Variants in MAGI2 observed in about 807,000 individuals in gnomAD.
MAGI2 encodes the protein membrane associated guanylate kinase, WW and PDZ domain containing 2.
In MAGI2, 35 loss-of-function variants were observed where a neutral mutation model predicts 133.3. The observed-to-expected ratio is 0.26, with a 90% CI of 0.20 to 0.35. The LOEUF is 0.35. MAGI2 is among the 10% of genes least tolerant of loss of function. The pLI is 1.00. For missense variants in MAGI2, 1,636 were observed against 1,863.4 expected, an observed-to-expected ratio of 0.88 and a Z score of 2.25; for synonymous variants, 729 against 710.6, an observed-to-expected ratio of 1.03 and a Z score of -0.41.
chr7:78,935,727 A>C (rs1277409645), intron 2 of MAGI2, among the ~76,000 whole-genome samples: 1 of 151,978 alleles, frequency 6.6e-6, no homozygotes, highest in Non-Finnish European at 1.5e-5. Context: ...CATGGATGTA[A>C]ATTTTTAAGC....
At chr7:79,357,770 A>G (rs1255246726) in intron 1 of MAGI2, among the ~76,000 whole-genome samples, 1 of 152,138 alleles carries the variant, frequency 6.6e-6, no homozygotes, top group Non-Finnish European at 1.5e-5. Context: ...TACCATTGCC[A>G]TTTACTGGCT....
intron 9 of MAGI2, among the ~76,000 whole-genome samples, chr7:78,339,923 G>A (rs1011674276): frequency 6.6e-6 from 1 of 152,038 alleles, no homozygotes; most frequent in Non-Finnish European, 1.5e-5. Flanking sequence ...CAAATATAAG[G>A]GCACCATAAA....
chr7:79,125,948 A>T (rs1407235872), intron 1 of MAGI2, among the ~76,000 whole-genome samples: 4 of 152,244 alleles, frequency 2.6e-5, no homozygotes, highest in African/African-American at 7.2e-5. Flanking sequence ...CAAAGAAGAC[A>T]TGTTTTAGAA....
chr7:78,202,570 C>G (rs750697719), intron 10 of MAGI2, among the ~76,000 whole-genome samples: 6 of 149,354 alleles, frequency 4.0e-5, no homozygotes, highest in Non-Finnish European at 8.9e-5. Context: ...GTAATCCCAG[C>G]TACTTGGGAG....
intron 2 of MAGI2, among the ~76,000 whole-genome samples, chr7:78,854,489 TG>T (rs1474172505): frequency 6.6e-6 from 1 of 152,160 alleles, no homozygotes; most frequent in Non-Finnish European, 1.5e-5. Flanking sequence ...AAACGTTCTT[TG>T]GATCTATAGT....
intron 21 of MAGI2, 73 bp downstream of exon 21, chr7:78,078,874 T>G: frequency 6.3e-7 from 1 of 1,580,954 alleles, no homozygotes; most frequent in Non-Finnish European, 8.7e-7. Context: ...CTGATGTAGT[T>G]TTATAAATAA....
intron 2 of MAGI2, among the ~76,000 whole-genome samples, chr7:78,820,115 T>C (rs970576256): frequency 1.4e-4 from 22 of 151,970 alleles, no homozygotes; most frequent in Middle Eastern, 3.4e-3. Flanking sequence ...CTTGAAAAAA[T>C]GGTGACATTG....
chr7:78,297,448 A>C (rs1210174920), intron 9 of MAGI2, among the ~76,000 whole-genome samples: 1 of 151,926 alleles, frequency 6.6e-6, no homozygotes, highest in East Asian at 1.9e-4. Flanking sequence ...AGAACTGGAA[A>C]TACCATTTGA....
chr7:78,130,174 G>C (rs1215871708), intron 18 of MAGI2, among the ~76,000 whole-genome samples: 1 of 151,940 alleles, frequency 6.6e-6, no homozygotes, highest in African/African-American at 2.4e-5. Context: ...TAGTGTTTTT[G>C]CTTATCTTCA....
intron 20 of MAGI2, among the ~76,000 whole-genome samples, chr7:78,107,842 C>T (rs1264772869): frequency 8.6e-6 from 1 of 115,834 alleles, no homozygotes; most frequent in Non-Finnish European, 2.0e-5. Context: ...GTAGTCATGT[C>T]TCCTTTTTCA....
chr7:78,087,249 GT>G (rs1179423559), intron 20 of MAGI2, among the ~76,000 whole-genome samples: 1 of 152,152 alleles, frequency 6.6e-6, no homozygotes, highest in Non-Finnish European at 1.5e-5. Flanking sequence ...ATGGATGAAT[GT>G]TTGAAAAAAG....
chr7:79,023,348 G>A (rs932408843), intron 1 of MAGI2, among the ~76,000 whole-genome samples: 3 of 152,004 alleles, frequency 2.0e-5, no homozygotes, highest in African/African-American at 7.2e-5. Context: ...AATAATAAAA[G>A]CTATCTATGA....
chr7:78,879,302 G>T (rs1795665975), intron 2 of MAGI2, among the ~76,000 whole-genome samples: 1 of 152,164 alleles, frequency 6.6e-6, no homozygotes, highest in African/African-American at 2.4e-5. Flanking sequence ...ACATGGATCA[G>T]CCCATTGCCT....
intron 11 of MAGI2, among the ~76,000 whole-genome samples, chr7:78,197,280 C>T (rs1051264829): frequency 6.6e-6 from 1 of 152,162 alleles, no homozygotes; most frequent in African/African-American, 2.4e-5. Context: ...CATGTGGATG[C>T]ATTCTAGCTG....
At chr7:79,364,921 CT>C (rs1467160902) in intron 1 of MAGI2, among the ~76,000 whole-genome samples, 1 of 150,116 alleles carries the variant, frequency 6.7e-6, no homozygotes, top group East Asian at 2.0e-4. Context: ...AAAAAAAATA[CT>C]TTTGCTCTGG....
chr7:78,727,227 T>C (rs1431458967), intron 2 of MAGI2, among the ~76,000 whole-genome samples: 2 of 152,192 alleles, frequency 1.3e-5, no homozygotes, highest in African/African-American at 2.4e-5. Context: ...TTTATCGATA[T>C]ATAAGTTGAC....
At chr7:79,412,286 T>C (rs1180258048) in intron 1 of MAGI2, 1 of 152,118 alleles carries the variant, frequency 6.6e-6, no homozygotes, top group Admixed American at 6.6e-5. Flanking sequence ...CCAAGGGTCG[T>C]ATGGAGCAAT....
chr7:78,705,996 C>G (rs1055604393), intron 2 of MAGI2, among the ~76,000 whole-genome samples: 1 of 152,068 alleles, frequency 6.6e-6, no homozygotes, highest in African/African-American at 2.4e-5. Context: ...CTAGTGGAAA[C>G]TTACCATAGA....
In MAGI2 at chr7:78,070,106, T is replaced by TAC. The variant is rs67410981; in HGVS notation, c.3706+8839_3706+8840dup. On this transcript the variant is annotated intron_variant, in intron 21 of 21. Transcript: ENST00000354212. ...GTCACTATAAACACACACACACACA[T>TAC]ACACACACACACACACACACATATA... Among the ~76,000 whole-genome samples, 345 of 79,688 alleles carry TAC rather than the reference T, an allele frequency of 4.3e-3. 4 individuals are homozygous for TAC. Among genetic ancestry groups the TAC allele is most frequent in the South Asian group, 0.026 (50 of 1,908 alleles). The allele number at this position is 79,688 out of a possible 152,430, so 52.3% of individuals were successfully genotyped here.
Sources: allele counts gnomAD v4.1 joint callset (sites outside exome capture counted in the v4.1 genomes callset), GRCh38; gene constraint gnomAD v4.1.1; transcripts MANE v1.5; gene names NCBI Gene and HGNC (gene_info 2026-07-23, HGNC 2026-07-21).